The following PLEKHA6 variants were observed in gnomAD, a reference collection of about 807,000 sequenced individuals.
PLEKHA6 encodes the protein pleckstrin homology domain-containing family A member 6.
PLEKHA6 carries 60 observed loss-of-function variants against 116.7 expected under a neutral mutation model. The observed-to-expected ratio is 0.51, with a 90% CI of 0.42 to 0.64. The LOEUF (loss-of-function observed/expected upper bound fraction) is 0.64. Among genes scored for constraint, PLEKHA6 ranks in the 30% least tolerant of loss-of-function variants. The pLI, the probability that PLEKHA6 is intolerant of heterozygous loss-of-function variation, is 0.00. For synonymous variants in PLEKHA6, 489 were observed against 556.1 expected (o/e 0.88, Z 1.70); for missense variants, 1,338 against 1,422.7 (o/e 0.94, Z 0.96).
chr1:204,265,931 A>G (rs1450757746), intron 5 of PLEKHA6, among the ~76,000 whole-genome samples: 2 of 152,156 alleles, frequency 1.3e-5, no homozygotes, highest in African/African-American at 4.8e-5. Flanking sequence ...AGGAAGCAAG[A>G]AAGGGCGGGG....
At chr1:204,250,416 C>T in intron 10 of PLEKHA6, 130 bp downstream of exon 10, 1 of 694,484 alleles carries the variant, frequency 1.4e-6, no homozygotes, top group South Asian at 1.6e-5. Flanking sequence ...TGAAAAGCCA[C>T]CAGAAGGAGA....
At chr1:204,367,514 C>T (rs989425873) in intron 3 of PLEKHA6, among the ~76,000 whole-genome samples, 10 of 152,126 alleles carry the variant, frequency 6.6e-5, no homozygotes, top group African/African-American at 2.4e-4. Context: ...CTTTGTTGAG[C>T]CATCTCCTTC....
rs138617775 is a variant in PLEKHA6, at chr1:204,250,590, G to A, written c.1549C>T (p.Arg517Trp). The change falls in exon 10 of 23, where the codon CGG becomes TGG. Residue 517 changes from arginine (R) to tryptophan (W), a missense_variant. By Grantham distance (101) the Arg-to-Trp change is moderately radical. Transcript: ENST00000272203. Reference protein sequence around the residue: ...PKVPPYPEVFRDSLHTYKLNE... With the variant: ...PKVPPYPEVFWDSLHTYKLNE... The stretch of plus-strand genomic sequence containing the variant: ...AACTTGTAGGTGTGGAGGCTGTCCC[G>A]GAACACTTCTGGGTATGGAGGGACC... 32 of 1,612,718 alleles carry A rather than the reference G, an allele frequency of 2.0e-5. No homozygotes were observed. The highest frequency in any genetic ancestry group is 5.5e-5 in the South Asian group (5 of 90,738).
chr1:204,308,222 GC>G (rs1671472692), intron 1 of PLEKHA6, among the ~76,000 whole-genome samples: 1 of 152,208 alleles, frequency 6.6e-6, no homozygotes, highest in African/African-American at 2.4e-5. Context: ...GTGACTCCCA[GC>G]CCGATTCGGC....
chr1:204,319,367 A>C (rs1162305283), intron 1 of PLEKHA6, among the ~76,000 whole-genome samples: 1 of 152,222 alleles, frequency 6.6e-6, no homozygotes, highest in Non-Finnish European at 1.5e-5. Flanking sequence ...ACAACCCATG[A>C]CTTTTCATAT....
At chr1:204,265,646 G>C (rs1334389536) in intron 5 of PLEKHA6, among the ~76,000 whole-genome samples, 2 of 152,246 alleles carry the variant, frequency 1.3e-5, no homozygotes, top group Admixed American at 6.5e-5. Flanking sequence ...TGATGGGATA[G>C]ATCATTGTAG....
At chr1:204,295,802 G>C (rs561244876) in intron 1 of PLEKHA6, among the ~76,000 whole-genome samples, 1 of 152,254 alleles carries the variant, frequency 6.6e-6, no homozygotes, top group East Asian at 1.9e-4. Flanking sequence ...CTTCTAGGTG[G>C]CCACAGCAGG....
At chr1:204,341,524 G>A (rs573551806) in intron 1 of PLEKHA6, among the ~76,000 whole-genome samples, 1 of 152,330 alleles carries the variant, frequency 6.6e-6, no homozygotes, top group South Asian at 2.1e-4. Context: ...CAGGGATGGA[G>A]CTCTGGAAGT....
intron 1 of PLEKHA6, among the ~76,000 whole-genome samples, chr1:204,303,913 C>T (rs1393774151): frequency 3.9e-5 from 6 of 152,096 alleles, no homozygotes; most frequent in Non-Finnish European, 7.4e-5. Context: ...CGGGATTTCA[C>T]CGTGTTGCCC....
At chr1:204,275,653 C>T (rs1667924910) in intron 1 of PLEKHA6, 64 of 970,054 alleles carry the variant, frequency 6.6e-5, no homozygotes, top group Non-Finnish European at 7.8e-5. Flanking sequence ...CCCCAGGAGG[C>T]TCTCAGGGGA....
chr1:204,283,255 C>T (rs552367060), intron 1 of PLEKHA6, among the ~76,000 whole-genome samples: 93 of 148,064 alleles, frequency 6.3e-4, no homozygotes, highest in African/African-American at 2.2e-3. Context: ...GCTGATCTCT[C>T]TCCTTCCCCA....
chr1:204,259,268 C>A lies in PLEKHA6; in HGVS notation c.997G>T (p.Asp333Tyr), dbSNP rs769489115. 1.1e-5 allele frequency: 17 copies of A among 1,613,584 alleles called. No individual in the cohort carries two copies. Among genetic ancestry groups the A allele is most frequent in the Non-Finnish European group, 1.7e-6 (2 of 1,179,874 alleles). ...GCCGGCATGCCTCACCTCCGAAGGTCTTCAGGCGGGGGTACCCCCCGGCGC... is the reference window on the plus strand; with the variant it reads ...GCCGGCATGCCTCACCTCCGAAGGTATTCAGGCGGGGGTACCCCCCGGCGC... ...NLRRGVPPPE[D>Y]LRSPSRFYPV... The change falls in exon 8 of 23, where the codon GAC becomes TAC. Residue 333 changes from aspartate (D) to tyrosine (Y), a missense_variant. Coordinates refer to ENST00000272203, the MANE Select transcript of PLEKHA6 (RefSeq NM_014935.5). The surrounding 1 kb of genome is among the most constrained non-coding windows in gnomAD (Gnocchi z 4.6).
chr1:204,325,045 G>A (rs1437893024), intron 1 of PLEKHA6, among the ~76,000 whole-genome samples: 1 of 152,108 alleles, frequency 6.6e-6, no homozygotes. Flanking sequence ...AGCCTCCCAG[G>A]AATACAGAAT....
chr1:204,244,444 T>A (rs1441894850), intron 15 of PLEKHA6, among the ~76,000 whole-genome samples: 1 of 152,038 alleles, frequency 6.6e-6, no homozygotes, highest in African/African-American at 2.4e-5. Flanking sequence ...CACGTGTGTA[T>A]CTTTCTAAGA....
In PLEKHA6 at chr1:204,359,272, G is replaced by A. The variant is rs545692868; in HGVS notation, c.-95+422C>T. 3.6e-4 allele frequency among the ~76,000 whole-genome samples: 54 copies of A among 151,966 alleles called. 1 individual carries two copies. Among genetic ancestry groups the A allele is most frequent in the Admixed American group, 1.3e-4 (2 of 15,270 alleles). Reference sequence around the variant, plus strand: ...CACGCTGAGGAAGGTGAGTCCCTGGGGCTGACCTGAGCCTGACCCTGGACC... The same window carrying A: ...CACGCTGAGGAAGGTGAGTCCCTGGAGCTGACCTGAGCCTGACCCTGGACC... On this transcript the variant is annotated intron_variant, in intron 1 of 22. Coordinates refer to ENST00000272203, the MANE Select transcript of PLEKHA6 (RefSeq NM_014935.5).
chr1:204,230,400 G>A lies in PLEKHA6; in HGVS notation c.2583+13C>T, dbSNP rs775878453. The A allele has an allele frequency of 2.5e-5, 39 of 1,564,116 alleles. No individual in the cohort carries two copies. Among genetic ancestry groups the A allele is most frequent in the Non-Finnish European group, 5.2e-6 (6 of 1,155,050 alleles). On this transcript the variant is annotated intron_variant, in intron 18 of 22. Coordinates refer to ENST00000272203, the MANE Select transcript of PLEKHA6 (RefSeq NM_014935.5). ...GCCAGGCTCACGCCTGTGGGTAGCT[G>A]GGAAGGCATTACCACTTTGTAGGCT... is the stretch of plus-strand genomic sequence containing the variant.
chr1:204,341,329 C>G (rs541689460), intron 1 of PLEKHA6, among the ~76,000 whole-genome samples: 136 of 152,306 alleles, frequency 8.9e-4, no homozygotes, highest in Non-Finnish European at 1.8e-3. Context: ...CCAACTGAAC[C>G]AGGATCTGTG....
chr1:204,347,225 G>T, intron 1 of PLEKHA6: 1 of 1,120,134 alleles, frequency 8.9e-7, no homozygotes, highest in Non-Finnish European at 1.3e-6. Flanking sequence ...AACATACATC[G>T]GGTGCCTCTC....
chr1:204,224,039 C>A (rs1260523999), intron 21 of PLEKHA6, among the ~76,000 whole-genome samples: 1 of 152,118 alleles, frequency 6.6e-6, no homozygotes, highest in Admixed American at 6.5e-5. Context: ...AGTGAAGTGA[C>A]CACCATGTTA....
Sources: gnomAD v4.1 joint callset for allele counts (sites outside exome capture counted in the v4.1 genomes callset) on GRCh38, gnomAD v4.1.1 for gene constraint, Gnocchi (gnomAD v3.1) non-coding constraint, MANE v1.5 for transcripts, NCBI Gene and HGNC (gene_info 2026-07-23, HGNC 2026-07-21) for gene names.